FRMD5: variants seen among roughly 807,000 people sequenced by gnomAD.
FRMD5 encodes FERM domain containing 5.
Under a neutral mutation model 69.0 loss-of-function variants are expected in FRMD5, and 20 were observed. The observed-to-expected ratio is 0.29, with a 90% CI of 0.20 to 0.42. The LOEUF is 0.42. FRMD5 is among the 10% of genes least tolerant of loss of function. The pLI is 1.00. For missense variants in FRMD5, 595 were observed against 708.6 expected (o/e 0.84, Z 1.82); for synonymous variants, 271 against 260.1 (o/e 1.04, Z -0.40).
At chr15:44,046,840 C>CTA (rs1892449555) in intron 1 of FRMD5, among the ~76,000 whole-genome samples, 1 of 152,190 alleles carries the variant, frequency 6.6e-6, no homozygotes, top group African/African-American at 2.4e-5. Context: ...ATATCAAAAA[C>CTA]TAGACATCCA....
chr15:43,879,301 TC>T (rs1294504177), intron 13 of FRMD5, among the ~76,000 whole-genome samples: 1 of 152,176 alleles, frequency 6.6e-6, no homozygotes, highest in Non-Finnish European at 1.5e-5. Flanking sequence ...GTTGGTCTCC[TC>T]CCTTAACAGA....
At chr15:44,161,566 A>C (rs1034701164) in intron 1 of FRMD5, among the ~76,000 whole-genome samples, 2 of 152,204 alleles carry the variant, frequency 1.3e-5, no homozygotes, top group African/African-American at 4.8e-5. Flanking sequence ...AAATACAATA[A>C]TTTGACACAT....
At chr15:43,999,923 G>GTATATATATATATATATATATGCCATGCA (rs1890105753) in intron 1 of FRMD5, among the ~76,000 whole-genome samples, 1 of 58,252 alleles carries the variant, frequency 1.7e-5, no homozygotes, top group African/African-American at 7.8e-5. Flanking sequence ...GTGTGTGTAT[G>GTATATATATATATATATATATGCCATGCA]TATATATATA....
At chr15:43,890,262 T>A (rs568006318) in intron 8 of FRMD5, among the ~76,000 whole-genome samples, 1 of 152,178 alleles carries the variant, frequency 6.6e-6, no homozygotes, top group African/African-American at 2.4e-5. Context: ...GAGAGTGAGA[T>A]TGGGTTTACA....
chr15:44,166,805 A>AG (rs1276853279), intron 1 of FRMD5, among the ~76,000 whole-genome samples: 17 of 151,208 alleles, frequency 1.1e-4, no homozygotes, highest in African/African-American at 4.1e-4. Flanking sequence ...AAAAAAAAAA[A>AG]AAGAAGAAAG....
At chr15:44,046,904 A>G (rs1269493139) in intron 1 of FRMD5, among the ~76,000 whole-genome samples, 2 of 152,212 alleles carry the variant, frequency 1.3e-5, no homozygotes, top group Non-Finnish European at 2.9e-5. Flanking sequence ...TACCAACTGG[A>G]ACCATTCTTA....
chr15:44,161,991 G>A (rs564349836), intron 1 of FRMD5, among the ~76,000 whole-genome samples: 1 of 151,734 alleles, frequency 6.6e-6, no homozygotes, highest in Non-Finnish European at 1.5e-5. Context: ...TCTTTTCCTT[G>A]TCTCTCCTAG....
chr15:43,875,647 TTTTTA>T (rs1021814707), intron 13 of FRMD5, among the ~76,000 whole-genome samples: 81 of 149,946 alleles, frequency 5.4e-4, no homozygotes, highest in African/African-American at 1.9e-3. Flanking sequence ...CCAGCTAATT[TTTTTA>T]TTTTGAGTAG....
At chr15:44,153,789 T>C (rs1262930769) in intron 1 of FRMD5, among the ~76,000 whole-genome samples, 1 of 152,106 alleles carries the variant, frequency 6.6e-6, no homozygotes, top group East Asian at 1.9e-4. Context: ...GCCAACATGG[T>C]GAAACCCTGT....
chr15:43,987,061 A>C (rs1889429725), intron 1 of FRMD5, among the ~76,000 whole-genome samples: 6 of 152,168 alleles, frequency 3.9e-5, no homozygotes, highest in African/African-American at 7.2e-5. Flanking sequence ...TGTGTGTCCT[A>C]ACTGCTCCAC....
intron 1 of FRMD5, among the ~76,000 whole-genome samples, chr15:44,183,563 A>T (rs560139830): frequency 1.3e-5 from 2 of 152,330 alleles, no homozygotes; most frequent in South Asian, 2.1e-4. Flanking sequence ...AGTATTGTGC[A>T]GTGAGGTGTT....
At chr15:43,973,781 C>G (rs1595576880) in intron 1 of FRMD5, among the ~76,000 whole-genome samples, 2 of 151,604 alleles carry the variant, frequency 1.3e-5, no homozygotes, top group East Asian at 3.9e-4. Flanking sequence ...CTTAATACAA[C>G]CCAAACCTCT....
At chr15:43,958,756 C>A (rs1296400890) in intron 1 of FRMD5, among the ~76,000 whole-genome samples, 1 of 152,174 alleles carries the variant, frequency 6.6e-6, no homozygotes, top group African/African-American at 2.4e-5. Context: ...CTGGTAAATG[C>A]TTTTTAAAAG....
intron 1 of FRMD5, among the ~76,000 whole-genome samples, chr15:43,930,842 C>G (rs2089662695): frequency 1.3e-5 from 2 of 152,168 alleles, no homozygotes; most frequent in Admixed American, 1.3e-4. Context: ...CAGTCTGGAA[C>G]ATGGAGGTCA....
chr15:43,880,576 G>T (rs1230856544), intron 13 of FRMD5, among the ~76,000 whole-genome samples: 1 of 152,186 alleles, frequency 6.6e-6, no homozygotes, highest in Non-Finnish European at 1.5e-5. Context: ...ATCCAAACCT[G>T]ATGTCCATCT....
At chr15:43,967,338 T>C (rs537383884) in intron 1 of FRMD5, among the ~76,000 whole-genome samples, 1 of 152,020 alleles carries the variant, frequency 6.6e-6, no homozygotes. Context: ...GTTCAAGCAA[T>C]ACTTCTGCCT....
intron 7 of FRMD5, among the ~76,000 whole-genome samples, chr15:43,900,908 C>T (rs1051533463): frequency 9.2e-5 from 14 of 152,122 alleles, no homozygotes; most frequent in Non-Finnish European, 2.9e-5. Context: ...TGAGCCACTG[C>T]GCCCGGCATT....
At chr15:44,103,594 C>G (rs553344752) in intron 1 of FRMD5, among the ~76,000 whole-genome samples, 1 of 152,320 alleles carries the variant, frequency 6.6e-6, no homozygotes, top group East Asian at 1.9e-4. Flanking sequence ...TTGGTACATA[C>G]ATAAGGTTGT....
At chr15:43,898,475 C>A (rs1048236662) in intron 7 of FRMD5, among the ~76,000 whole-genome samples, 1 of 152,208 alleles carries the variant, frequency 6.6e-6, no homozygotes, top group Non-Finnish European at 1.5e-5. Context: ...GACAGACTCT[C>A]AATAAATGGT....
Sources: allele counts gnomAD v4.1 joint callset (sites outside exome capture counted in the v4.1 genomes callset), GRCh38; gene constraint gnomAD v4.1.1; transcripts MANE v1.5; gene names NCBI Gene and HGNC (gene_info 2026-07-23, HGNC 2026-07-21).